NCKAP5: variants seen among roughly 807,000 people sequenced by gnomAD.
The protein encoded by NCKAP5 is NCK associated protein 5.
NCKAP5 carries 92 observed loss-of-function variants against 167.0 expected under a neutral mutation model. The ratio of observed to expected loss-of-function variants is 0.55; its 90% CI spans 0.47 to 0.66. The LOEUF (loss-of-function observed/expected upper bound fraction) is 0.66, where lower values mean the gene tolerates loss of function less well. Ranked by LOEUF, NCKAP5 falls within the 30% of genes least tolerant of loss-of-function variation. The pLI, the probability that NCKAP5 is intolerant of heterozygous loss-of-function variation, is 0.00. For missense variants in NCKAP5, 2,378 were observed against 2,315.0 expected, an observed-to-expected ratio of 1.03 and a Z score of -0.56; for synonymous variants, 891 against 877.4, an observed-to-expected ratio of 1.02 and a Z score of -0.27.
At chr2:133,320,973 T>C (rs1682007673) in intron 3 of NCKAP5, among the ~76,000 whole-genome samples, 1 of 152,190 alleles carries the variant, frequency 6.6e-6, no homozygotes, top group Non-Finnish European at 1.5e-5. Context: ...TTCAAATTCC[T>C]CACTGGAGTA....
At chr2:132,765,576 G>A (rs1034433167) in intron 16 of NCKAP5, among the ~76,000 whole-genome samples, 6 of 152,130 alleles carry the variant, frequency 3.9e-5, no homozygotes, top group Admixed American at 2.6e-4. Context: ...GCACAGGCAT[G>A]AGCCACCGTG....
At chr2:133,414,056 T>C (rs895952824) in intron 3 of NCKAP5, among the ~76,000 whole-genome samples, 3 of 152,152 alleles carry the variant, frequency 2.0e-5, no homozygotes, top group Admixed American at 6.5e-5. Flanking sequence ...AGTATTCTCC[T>C]ACAGTAGAAG....
chr2:132,756,943 A>G (rs1002431140), intron 16 of NCKAP5, among the ~76,000 whole-genome samples: 1 of 152,170 alleles, frequency 6.6e-6, no homozygotes, highest in Non-Finnish European at 1.5e-5. Context: ...GTTTATCACC[A>G]CGGCATGAAA....
the NCKAP5 span, among the ~76,000 whole-genome samples, chr2:133,611,474 T>A: frequency 6.6e-6 from 1 of 152,202 alleles, no homozygotes; most frequent in Non-Finnish European, 1.5e-5. Flanking sequence ...GCCTCTCAAT[T>A]TCCCAAGATT....
intron 5 of NCKAP5, among the ~76,000 whole-genome samples, chr2:133,149,519 G>C (rs902585311): frequency 8.2e-5 from 12 of 145,648 alleles, no homozygotes; most frequent in African/African-American, 3.1e-4. Context: ...CGCATAACAT[G>C]CAGGCAACAA....
In NCKAP5 at chr2:133,507,887, A is replaced by G. The variant is rs548313897; in HGVS notation, c.69+9571T>C. On this transcript the variant is annotated intron_variant, in intron 3 of 19. Transcript: ENST00000409261. ...CATGAACCCTATGGATGTCTAATAA[A>G]TATTAATTGATAAAAATGAACTATA... Among the ~76,000 whole-genome samples the G allele has an allele frequency of 2.6e-5, 4 of 152,330 alleles. No individual in the cohort carries two copies. In the East Asian group the frequency reaches 7.7e-4, roughly 29 times the overall value.
chr2:133,389,251 C>A (rs1483281956), intron 3 of NCKAP5, among the ~76,000 whole-genome samples: 2 of 152,228 alleles, frequency 1.3e-5, no homozygotes, highest in Non-Finnish European at 2.9e-5. Flanking sequence ...AGTCCACCTG[C>A]ATACACTTGC....
At chr2:132,988,393 C>T (rs904666614) in intron 7 of NCKAP5, among the ~76,000 whole-genome samples, 2 of 134,202 alleles carry the variant, frequency 1.5e-5, no homozygotes, top group Admixed American at 8.7e-5. Flanking sequence ...ACCCAGGAGG[C>T]GGAGGTTGCA....
intron 6 of NCKAP5, among the ~76,000 whole-genome samples, chr2:133,119,853 A>G (rs2082197256): frequency 6.6e-6 from 1 of 151,564 alleles, no homozygotes; most frequent in Admixed American, 6.6e-5. Context: ...ATTTATTATT[A>G]TTAATATATA....
intron 8 of NCKAP5, among the ~76,000 whole-genome samples, chr2:132,892,551 CAATCTGATCACTCTGTTGAGTAGAG>C (rs1692796605): frequency 6.6e-6 from 1 of 152,152 alleles, no homozygotes; most frequent in South Asian, 2.1e-4. Context: ...AAATGTAAAA[CAATCTGATCACTCTGTTGAGTAGAG>C]AATATTTGTG....
At chr2:133,607,029 G>A in the NCKAP5 span, among the ~76,000 whole-genome samples, 1 of 152,132 alleles carries the variant, frequency 6.6e-6, no homozygotes, top group Non-Finnish European at 1.5e-5. Context: ...AAGGACCTGA[G>A]ACCATCATTA....
At chr2:132,724,701 C>T (rs945015577) in intron 19 of NCKAP5, among the ~76,000 whole-genome samples, 17 of 152,068 alleles carry the variant, frequency 1.1e-4, no homozygotes, top group African/African-American at 2.2e-4. Flanking sequence ...GGTAAACCTT[C>T]GCATGATTCA....
At chr2:133,590,389 G>C in the NCKAP5 span, among the ~76,000 whole-genome samples, 1 of 151,862 alleles carries the variant, frequency 6.6e-6, no homozygotes, top group Non-Finnish European at 1.5e-5. Flanking sequence ...AGCCAGGCTT[G>C]GTGGCGGGCA....
chr2:133,185,161 T>A (rs1272513349), intron 5 of NCKAP5, among the ~76,000 whole-genome samples: 1 of 152,190 alleles, frequency 6.6e-6, no homozygotes, highest in Non-Finnish European at 1.5e-5. Context: ...AGGGGTCCAA[T>A]TTCATTCTTC....
chr2:132,982,752 C>T (rs2077178742), intron 7 of NCKAP5, among the ~76,000 whole-genome samples: 1 of 152,142 alleles, frequency 6.6e-6, no homozygotes, highest in Non-Finnish European at 1.5e-5. Context: ...TTATAAGTGA[C>T]AACATGTGGT....
chr2:133,482,128 C>T (rs1212363643), intron 3 of NCKAP5, among the ~76,000 whole-genome samples: 1 of 152,160 alleles, frequency 6.6e-6, no homozygotes, highest in Non-Finnish European at 1.5e-5. Context: ...TTTCAGTTCT[C>T]ATCCATGTTG....
chr2:133,010,410 A>G (rs1423760303), intron 6 of NCKAP5, among the ~76,000 whole-genome samples: 1 of 152,190 alleles, frequency 6.6e-6, no homozygotes, highest in East Asian at 1.9e-4. Context: ...ACTTAAAGTT[A>G]TGTTCACTGC....
At chr2:132,907,381 T>C in intron 8 of NCKAP5, among the ~76,000 whole-genome samples, 1 of 152,202 alleles carries the variant, frequency 6.6e-6, no homozygotes, top group East Asian at 1.9e-4. Flanking sequence ...GGTAGCAAAG[T>C]CTTCAGGGCT....
At chr2:133,583,851 T>C in the NCKAP5 span, among the ~76,000 whole-genome samples, 1 of 152,184 alleles carries the variant, frequency 6.6e-6, no homozygotes, top group Non-Finnish European at 1.5e-5. Flanking sequence ...CCTCCTGGGT[T>C]CACGCCATTC....
Sources: allele counts gnomAD v4.1 joint callset (sites outside exome capture counted in the v4.1 genomes callset), GRCh38; gene constraint gnomAD v4.1.1; transcripts MANE v1.5; gene names NCBI Gene and HGNC (gene_info 2026-07-23, HGNC 2026-07-21).